The following HLCS variants were observed in gnomAD, a reference collection of about 807,000 sequenced individuals.
HLCS encodes biotin--protein ligase.
HLCS carries 53 observed loss-of-function variants against 75.0 expected under a neutral mutation model. The ratio of observed to expected loss-of-function variants is 0.71; its 90% CI spans 0.57 to 0.89. The LOEUF (loss-of-function observed/expected upper bound fraction) is 0.89, where lower values mean the gene tolerates loss of function less well. Among genes scored for constraint, HLCS ranks in the 40% least tolerant of loss-of-function variants. The probability of loss-of-function intolerance (pLI) is 0.00; values close to 1 mark genes in which losing one functional copy is unlikely to be tolerated. For synonymous variants in HLCS, 431 were observed against 428.6 expected (o/e 1.01, Z -0.07); for missense variants, 966 against 1,074.0 (o/e 0.90, Z 1.41).
chr21:36,883,655 C>T (rs544614135), intron 6 of HLCS, among the ~76,000 whole-genome samples: 5 of 152,166 alleles, frequency 3.3e-5, no homozygotes, highest in Non-Finnish European at 7.3e-5. Context: ...CTGTCGGTGG[C>T]TATCAGCAGC....
In HLCS at chr21:36,981,423, C is replaced by T. The variant is rs376542772; in HGVS notation, c.-393+8735G>A. Among the ~76,000 whole-genome samples the T allele has an allele frequency of 1.5e-3, 149 of 102,638 alleles. 2 individuals are homozygous for T. The highest frequency in any genetic ancestry group is 6.0e-3 in the African/African-American group (140 of 23,190). 67.3% of individuals were successfully genotyped at this position (102,638 alleles called of 152,430 possible). A position where few individuals can be genotyped will look rare whatever the true frequency, so the allele number is the denominator to read the frequency against. ...TTTTTTTTTTTTTTTTTTTTTGAGA[C>T]GGAGTCTCACTCTGTCACCCAGCCT... is the stretch of plus-strand genomic sequence containing the variant. On this transcript the variant is annotated intron_variant, in intron 1 of 11. Coordinates refer to the HLCS transcript ENST00000336648.
rs535891229 is a variant in HLCS at position 36,936,637 on chromosome 21, A to G, written c.1249T>C (p.Leu417=). Residue 417 remains leucine, a synonymous_variant, in exon 4 of 11, where the codon TTG becomes CTG. Transcript: ENST00000674895. ...KGALHKTVQN[L]VFSKADQSEV... is the part of the protein sequence containing the mutation. Reference sequence around the variant, plus strand: ...CTCTGGTCAGCCTTGGAGAAAACCAAGTTCTGGACTGTCTTGTGCAGTGCA... The same window carrying G: ...CTCTGGTCAGCCTTGGAGAAAACCAGGTTCTGGACTGTCTTGTGCAGTGCA... The G allele has an allele frequency of 5.8e-5, 93 of 1,614,186 alleles. No homozygotes were observed. The South Asian group carries it at 9.6e-4, about 17-fold the overall frequency.
rs148123951 is a variant in HLCS, at chr21:36,836,165, C to T, written c.1892+60695G>A. Among the ~76,000 whole-genome samples the T allele has an allele frequency of 3.9e-3, 593 of 152,044 alleles. 3 individuals carry two copies. The highest frequency in any genetic ancestry group is 0.013 in the African/African-American group (558 of 41,480). On this transcript the variant is annotated intron_variant, in intron 6 of 10. Transcript: ENST00000674895. ...ACTGTGACAAAACTATTCTGGAACA[C>T]GGCCCCACTTACACAGCTCCATACT...
intron 5 of HLCS, among the ~76,000 whole-genome samples, chr21:36,915,997 G>A (rs912035873): frequency 1.3e-5 from 2 of 152,086 alleles, no homozygotes; most frequent in African/African-American, 4.8e-5. Flanking sequence ...CTTACTAAAT[G>A]TCTACTATAA....
chr21:36,772,638 CAA>C (rs34788426), intron 6 of HLCS, among the ~76,000 whole-genome samples: 39 of 80,832 alleles, frequency 4.8e-4, no homozygotes, highest in East Asian at 1.7e-3. Context: ...GACACTGTCT[CAA>C]AAAAAAAAAA....
At chr21:36,884,221 T>A (rs2064352807) in intron 6 of HLCS, among the ~76,000 whole-genome samples, 1 of 152,246 alleles carries the variant, frequency 6.6e-6, no homozygotes, top group Non-Finnish European at 1.5e-5. Flanking sequence ...GAAGCTTTTG[T>A]AAAACCTTCC....
intron 6 of HLCS, among the ~76,000 whole-genome samples, chr21:36,857,147 G>T (rs1237805315): frequency 6.6e-6 from 1 of 152,144 alleles, no homozygotes; most frequent in African/African-American, 2.4e-5. Context: ...CTAATATGGA[G>T]GTCTGTTTGA....
intron 6 of HLCS, among the ~76,000 whole-genome samples, chr21:36,808,702 A>C (rs2061427830): frequency 6.6e-6 from 1 of 152,214 alleles, no homozygotes; most frequent in Non-Finnish European, 1.5e-5. Context: ...CAGAAAGAAA[A>C]CTAGTATTTT....
At chr21:36,797,394 TTTA>T (rs1415420878) in intron 6 of HLCS, among the ~76,000 whole-genome samples, 5 of 151,812 alleles carry the variant, frequency 3.3e-5, no homozygotes, top group African/African-American at 1.2e-4. Flanking sequence ...ATATTTATTT[TTTA>T]TTAACATTAA....
intron 5 of HLCS, among the ~76,000 whole-genome samples, chr21:36,924,630 CG>C (rs2066321811): frequency 6.6e-6 from 1 of 152,106 alleles, no homozygotes; most frequent in Non-Finnish European, 1.5e-5. Context: ...CTTCCTCTCC[CG>C]GGGGCAAGGA....
intron 5 of HLCS, among the ~76,000 whole-genome samples, chr21:36,912,071 C>CAAA (rs71328522): frequency 2.4e-5 from 2 of 83,660 alleles, no homozygotes; most frequent in African/African-American, 4.1e-5. Context: ...AACTCCGTCT[C>CAAA]AAAAAAAAAA....
At chr21:36,783,294 G>A (rs909660396) in intron 6 of HLCS, among the ~76,000 whole-genome samples, 5 of 152,164 alleles carry the variant, frequency 3.3e-5, no homozygotes, top group Non-Finnish European at 5.9e-5. Context: ...GAGCTTGGGT[G>A]TGTCCCAGAT....
chr21:36,880,494 T>C (rs1209862758), intron 6 of HLCS, among the ~76,000 whole-genome samples: 2 of 151,186 alleles, frequency 1.3e-5, no homozygotes, highest in Middle Eastern at 3.4e-3. Context: ...CATCACAGAA[T>C]GCAAAAAAAA....
chr21:36,956,127 G>A (rs1430691330), intron 2 of HLCS, among the ~76,000 whole-genome samples: 5 of 152,066 alleles, frequency 3.3e-5, no homozygotes, highest in Non-Finnish European at 5.9e-5. Context: ...TAATGTATAC[G>A]AATTATGTAA....
intron 4 of HLCS, among the ~76,000 whole-genome samples, chr21:36,934,436 T>TA (rs1351439840): frequency 1.1e-4 from 17 of 152,348 alleles, no homozygotes; most frequent in Non-Finnish European, 1.6e-4. Context: ...TGCCATGTGC[T>TA]AAGCTAAACA....
Position 36,750,140 on chromosome 21 carries a change from G to A in HLCS, c.*4106C>T, listed in dbSNP as rs2089321604. On this transcript the variant is annotated 3_prime_UTR_variant, in exon 11 of 11. Transcript: ENST00000674895. ...CATCTTGAAGAGTCTGCACATTTAA[G>A]CTGGGGATAGCGTTTCTTGACTTCT... Among the ~76,000 whole-genome samples, 1 of 152,242 alleles carries A rather than the reference G, an allele frequency of 6.6e-6. No individual in the cohort carries two copies. Among genetic ancestry groups the A allele is most frequent in the South Asian group, 2.1e-4 (1 of 4,836 alleles).
rs191632991 is a variant in HLCS, at chr21:36,889,290, C to T, written c.1892+7570G>A. Among the ~76,000 whole-genome samples the T allele has an allele frequency of 4.2e-3, 639 of 152,272 alleles. 5 individuals are homozygous for T. The highest frequency in any genetic ancestry group is 0.014 in the African/African-American group (587 of 41,548). On this transcript the variant is annotated intron_variant, in intron 6 of 10. Coordinates refer to ENST00000674895, the MANE Select transcript of HLCS (RefSeq NM_001352514.2). ...AACTTATTCAGGATGCACAAGTATA[C>T]GAAGGAAATTGGCGTAAGCAAGTTT...
intron 6 of HLCS, among the ~76,000 whole-genome samples, chr21:36,818,463 G>A (rs1156232949): frequency 6.6e-6 from 1 of 152,228 alleles, no homozygotes; most frequent in Non-Finnish European, 1.5e-5. Context: ...ACACACTGGG[G>A]AGAGAGGGGC....
chr21:36,921,848 C>A (rs1350808131), intron 5 of HLCS, among the ~76,000 whole-genome samples: 1 of 152,152 alleles, frequency 6.6e-6, no homozygotes, highest in African/African-American at 2.4e-5. Flanking sequence ...AAGTGCATTT[C>A]CCTTTTACCA....
Sources: allele counts gnomAD v4.1 joint callset (sites outside exome capture counted in the v4.1 genomes callset), GRCh38; gene constraint gnomAD v4.1.1; transcripts MANE v1.5; gene names NCBI Gene and HGNC (gene_info 2026-07-23, HGNC 2026-07-21).